CCDC73: variants seen among roughly 807,000 people sequenced by gnomAD.
CCDC73 encodes the protein coiled-coil domain containing 73.
A neutral mutation model predicts 116.5 loss-of-function variants in CCDC73; 95 were observed. That is an observed-to-expected ratio of 0.82 (90% confidence interval 0.69 to 0.97). CCDC73 has a LOEUF of 0.97. Ranked by LOEUF, CCDC73 falls within the 50% of genes least tolerant of loss-of-function variation. The pLI is 0.00. For missense variants in CCDC73, 1,066 were observed against 1,206.8 expected (o/e 0.88, Z 1.73); for synonymous variants, 398 against 401.3 (o/e 0.99, Z 0.10).
intron 9 of CCDC73, among the ~76,000 whole-genome samples, chr11:32,672,559 G>C (rs923811632): frequency 3.3e-5 from 5 of 152,080 alleles, no homozygotes; most frequent in Non-Finnish European, 2.9e-5. Context: ...GAACCAAAGA[G>C]ACATCAATGA....
At chr11:32,791,580 C>A (rs189869481) in intron 1 of CCDC73, among the ~76,000 whole-genome samples, 1 of 152,280 alleles carries the variant, frequency 6.6e-6, no homozygotes, top group East Asian at 1.9e-4. Context: ...TTGGAAAATT[C>A]TAATCTACAA....
At chr11:32,696,608 A>AT (rs954395080) in intron 6 of CCDC73, among the ~76,000 whole-genome samples, 1 of 151,286 alleles carries the variant, frequency 6.6e-6, no homozygotes. Context: ...TTGCATATAT[A>AT]TTTTTTTTGT....
Position 32,745,155 on chromosome 11 carries a change from G to A in CCDC73, c.135+14954C>T, listed in dbSNP as rs1174353147. ...ACATCTTTATTTCTGCCTTCATTTC[G>A]TTATGGACCCAGTAGTCATTCAGGA... On this transcript the variant is annotated intron_variant, in intron 2 of 17. Transcript: ENST00000335185. Among the ~76,000 whole-genome samples, 9 of 152,038 alleles carry A rather than the reference G, an allele frequency of 5.9e-5. No individual in the cohort carries two copies. The East Asian group carries it at 1.3e-3, about 23-fold the overall frequency.
intron 4 of CCDC73, 83 bp downstream of exon 4, chr11:32,702,790 G>A (rs1849825146): frequency 2.1e-6 from 2 of 945,598 alleles, no homozygotes; most frequent in East Asian, 2.4e-5. Context: ...TGACTATGGA[G>A]AACAGCTTGC....
chr11:32,758,837 A>G (rs1253669560), intron 2 of CCDC73, among the ~76,000 whole-genome samples: 1 of 152,180 alleles, frequency 6.6e-6, no homozygotes, highest in East Asian at 1.9e-4. Context: ...AGCTAATTTT[A>G]CAAAAACACT....
At chr11:32,799,323 C>G (rs943745538), upstream of CCDC73, among the ~76,000 whole-genome samples, 3 of 151,962 alleles carry the variant, frequency 2.0e-5, no homozygotes, top group East Asian at 1.9e-4. Context: ...AACTCCCGAC[C>G]TCAACTGATC....
chr11:32,670,438 C>T (rs1856027297), intron 9 of CCDC73, among the ~76,000 whole-genome samples: 1 of 151,498 alleles, frequency 6.6e-6, no homozygotes, highest in Admixed American at 6.6e-5. Flanking sequence ...AGGAGAATGG[C>T]GTGAACCTGG....
chr11:32,741,346 G>A (rs1850183175), intron 2 of CCDC73, among the ~76,000 whole-genome samples: 1 of 152,028 alleles, frequency 6.6e-6, no homozygotes, highest in Non-Finnish European at 1.5e-5. Context: ...AAACATACGG[G>A]TGCTCCAGTG....
chr11:32,658,778 T>C (rs11031922), intron 9 of CCDC73, among the ~76,000 whole-genome samples: 49 of 151,620 alleles, frequency 3.2e-4, no homozygotes, highest in African/African-American at 1.2e-3. Flanking sequence ...TGAGACATTC[T>C]AAAAAAAAAT....
intron 2 of CCDC73, among the ~76,000 whole-genome samples, chr11:32,733,520 T>G (rs913917019): frequency 2.0e-5 from 3 of 152,194 alleles, no homozygotes; most frequent in Non-Finnish European, 2.9e-5. Context: ...TAGTTGGAAG[T>G]TAAGCACTCC....
chr11:32,739,264 A>C (rs1850162573), intron 2 of CCDC73, among the ~76,000 whole-genome samples: 1 of 151,990 alleles, frequency 6.6e-6, no homozygotes, highest in East Asian at 1.9e-4. Flanking sequence ...CATTGCTTTA[A>C]ATTTGTAGAT....
chr11:32,688,477 T>G (rs1196114200), intron 6 of CCDC73, among the ~76,000 whole-genome samples: 1 of 152,188 alleles, frequency 6.6e-6, no homozygotes, highest in South Asian at 2.1e-4. Context: ...GATTCTAAAC[T>G]AGATCCTTTT....
chr11:32,783,706 C>A (rs1047525997), intron 1 of CCDC73, among the ~76,000 whole-genome samples: 2 of 151,946 alleles, frequency 1.3e-5, no homozygotes, highest in African/African-American at 2.4e-5. Flanking sequence ...GCCTTCATGA[C>A]CTAATCACCT....
intron 17 of CCDC73, 127 bp downstream of exon 17, chr11:32,611,005 A>C: frequency 2.4e-6 from 2 of 837,324 alleles, no homozygotes; most frequent in Non-Finnish European, 3.6e-6. Context: ...AAATGGTGCC[A>C]TGTTGCCCTC....
intron 2 of CCDC73, among the ~76,000 whole-genome samples, chr11:32,755,805 ATATATATCTCCATATATATGTGTGTG>A (rs1565094315): frequency 4.6e-5 from 6 of 131,526 alleles, no homozygotes; most frequent in South Asian, 2.3e-4. Context: ...ATATGTGTAT[ATATATATCTCCATATATATGTGTGTG>A]TATATATCTC....
intron 14 of CCDC73, among the ~76,000 whole-genome samples, chr11:32,622,297 G>T (rs1422039988): frequency 1.3e-5 from 2 of 152,094 alleles, no homozygotes; most frequent in African/African-American, 4.8e-5. Flanking sequence ...AAGAAAATGT[G>T]GTGGATATAC....
chr11:32,811,630 T>C, the CCDC73 span, among the ~76,000 whole-genome samples: 1 of 152,054 alleles, frequency 6.6e-6, no homozygotes, highest in Non-Finnish European at 1.5e-5. Context: ...AGGAAACTTA[T>C]ATTATGTCAG....
At chr11:32,634,852 C>A (rs949329659) in intron 14 of CCDC73, among the ~76,000 whole-genome samples, 49 of 152,236 alleles carry the variant, frequency 3.2e-4, no homozygotes, top group East Asian at 2.9e-3. Context: ...CTGGGCATGG[C>A]AGTTCATCCC....
chr11:32,766,193 C>T (rs1850440138), intron 1 of CCDC73, among the ~76,000 whole-genome samples: 1 of 152,090 alleles, frequency 6.6e-6, no homozygotes, highest in Admixed American at 6.6e-5. Context: ...ATAAACAAAA[C>T]CAAAGACAAA....
Sources: gnomAD v4.1 joint callset for allele counts (sites outside exome capture counted in the v4.1 genomes callset) on GRCh38, gnomAD v4.1.1 for gene constraint, MANE v1.5 for transcripts, NCBI Gene and HGNC (gene_info 2026-07-23, HGNC 2026-07-21) for gene names.